Variants in WWOX observed in about 807,000 individuals in gnomAD.
WWOX encodes WW domain containing oxidoreductase.
In WWOX, 69 loss-of-function variants were observed where a neutral mutation model predicts 46.2. The ratio of observed to expected loss-of-function variants is 1.49; its 90% CI spans 1.23 to 1.82. WWOX has a LOEUF of 1.82. Among genes scored for constraint, WWOX ranks in the 40% most tolerant of loss-of-function variants. The probability of loss-of-function intolerance (pLI) is 0.00; values close to 1 mark genes in which losing one functional copy is unlikely to be tolerated. For synonymous variants in WWOX, 359 were observed against 202.6 expected (o/e 1.77, Z -6.56); for missense variants, 919 against 542.6 (o/e 1.69, Z -6.89).
At chr16:78,819,451 C>G (rs1413771962) in intron 8 of WWOX, among the ~76,000 whole-genome samples, 2 of 152,220 alleles carry the variant, frequency 1.3e-5, no homozygotes, top group Non-Finnish European at 2.9e-5. Context: ...AATGACCCAA[C>G]AACCTGGAAG....
chr16:78,109,715 C>A, intron 2 of WWOX, 63 bp from the exon 3 acceptor site: 1 of 1,589,560 alleles, frequency 6.3e-7, no homozygotes, highest in South Asian at 1.1e-5. Flanking sequence ...CCTTCCCTTC[C>A]TGACCCAGGG....
chr16:79,048,120 G>C (rs1034061363), intron 8 of WWOX, among the ~76,000 whole-genome samples: 1 of 152,078 alleles, frequency 6.6e-6, no homozygotes, highest in African/African-American at 2.4e-5. Context: ...TCACAGACAC[G>C]GAAAATCATT....
intron 8 of WWOX, chr16:78,534,308 G>C (rs142618389): frequency 6.6e-6 from 1 of 152,260 alleles, no homozygotes; most frequent in South Asian, 2.1e-4. Flanking sequence ...CCAGTGCTTG[G>C]CATATAGCTG....
intron 8 of WWOX, among the ~76,000 whole-genome samples, chr16:78,764,134 C>T (rs963716988): frequency 2.6e-5 from 4 of 152,134 alleles, no homozygotes; most frequent in Admixed American, 2.6e-4. Flanking sequence ...ACCACTTTTG[C>T]CGAAAAGTCA....
intron 5 of WWOX, among the ~76,000 whole-genome samples, chr16:78,359,997 C>T (rs2081375923): frequency 6.6e-6 from 1 of 152,140 alleles, no homozygotes; most frequent in South Asian, 2.1e-4. Flanking sequence ...ATGAGCTTAG[C>T]AGTTCTCAGA....
chr16:78,415,157 G>A (rs181828906), intron 6 of WWOX, among the ~76,000 whole-genome samples: 191 of 150,876 alleles, frequency 1.3e-3, no homozygotes, highest in African/African-American at 4.4e-3. Context: ...TTACTCATGA[G>A]TTTTCACGGA....
intron 4 of WWOX, among the ~76,000 whole-genome samples, chr16:78,155,256 A>G (rs2034559328): frequency 6.6e-6 from 1 of 151,874 alleles, no homozygotes; most frequent in East Asian, 1.9e-4. Flanking sequence ...AAGGAAGGAA[A>G]GAAAAGGAAG....
At chr16:78,625,059 C>A (rs529185505) in intron 8 of WWOX, among the ~76,000 whole-genome samples, 2 of 152,180 alleles carry the variant, frequency 1.3e-5, no homozygotes, top group Non-Finnish European at 2.9e-5. Context: ...CCCTGGCACT[C>A]GTTTGATTTG....
At chr16:78,686,121 T>G (rs966096284) in intron 8 of WWOX, among the ~76,000 whole-genome samples, 1 of 152,206 alleles carries the variant, frequency 6.6e-6, no homozygotes, top group Admixed American at 6.5e-5. Flanking sequence ...GGACCAGATG[T>G]TCACTGGAAG....
chr16:78,845,670 A>C (rs1386467447), intron 8 of WWOX, among the ~76,000 whole-genome samples: 1 of 152,312 alleles, frequency 6.6e-6, no homozygotes, highest in Admixed American at 6.5e-5. Flanking sequence ...TTAAGTAAGT[A>C]ATGGACAAGG....
intron 8 of WWOX, among the ~76,000 whole-genome samples, chr16:78,915,252 A>G (rs775481476): frequency 8.5e-5 from 13 of 152,164 alleles, no homozygotes; most frequent in Non-Finnish European, 1.3e-4. Flanking sequence ...TTCCCTTTAC[A>G]TGACCATTCC....
intron 8 of WWOX, among the ~76,000 whole-genome samples, chr16:78,564,848 T>A (rs1430622748): frequency 1.3e-5 from 2 of 152,194 alleles, no homozygotes; most frequent in Non-Finnish European, 2.9e-5. Context: ...TTCTTTTCTT[T>A]CCTCTTTTTC....
intron 5 of WWOX, among the ~76,000 whole-genome samples, chr16:78,259,686 T>G (rs1055582594): frequency 6.6e-6 from 1 of 151,494 alleles, no homozygotes; most frequent in Non-Finnish European, 1.5e-5. Flanking sequence ...AGTATAGAAG[T>G]GGGCATTCTA....
chr16:78,843,568 C>T (rs1301209908), intron 8 of WWOX, among the ~76,000 whole-genome samples: 11 of 149,884 alleles, frequency 7.3e-5, no homozygotes, highest in African/African-American at 2.7e-4. Context: ...ACTTCCTTGG[C>T]CAGAGCAGGG....
intron 8 of WWOX, among the ~76,000 whole-genome samples, chr16:79,052,777 G>A (rs2048193131): frequency 6.6e-6 from 1 of 152,210 alleles, no homozygotes; most frequent in African/African-American, 2.4e-5. Context: ...AAATGGCCTT[G>A]CTGAGGAAAT....
rs562241234 is a variant in WWOX, at chr16:78,277,438, G to T, written c.517-109422G>T. Among the ~76,000 whole-genome samples the T allele has an allele frequency of 3.3e-5, 5 of 152,176 alleles. No individual in the cohort carries two copies. In the East Asian group the frequency reaches 9.7e-4, roughly 29 times the overall value. ...ATTCATCCTTCTGACCTGTGCTCCGGATTCCAGGGAGTTCTCAATTTGGAG... is the reference window on the plus strand; with the variant it reads ...ATTCATCCTTCTGACCTGTGCTCCGTATTCCAGGGAGTTCTCAATTTGGAG... On this transcript the variant is annotated intron_variant, in intron 5 of 8. Transcript: ENST00000566780.
chr16:79,165,716 G>A (rs1029207890), intron 8 of WWOX, among the ~76,000 whole-genome samples: 3 of 152,122 alleles, frequency 2.0e-5, no homozygotes. Context: ...ACTCTGTCCT[G>A]TTTACTCTGT....
intron 5 of WWOX, among the ~76,000 whole-genome samples, chr16:78,293,978 G>GAAAAAAAAAAAAAAAAAAA (rs35079271): frequency 6.6e-5 from 2 of 30,312 alleles, no homozygotes; most frequent in Non-Finnish European, 1.3e-4. Flanking sequence ...CTCTGTCTCA[G>GAAAAAAAAAAAAAAAAAAA]AAAAAAAAAA....
intron 5 of WWOX, among the ~76,000 whole-genome samples, chr16:78,226,702 C>A (rs912351873): frequency 6.6e-6 from 1 of 152,056 alleles, no homozygotes; most frequent in Non-Finnish European, 1.5e-5. Context: ...TTTATTGTCA[C>A]ACTGGATAGG....
Sources: allele counts gnomAD v4.1 joint callset (sites outside exome capture counted in the v4.1 genomes callset), GRCh38; gene constraint gnomAD v4.1.1; transcripts MANE v1.5; gene names NCBI Gene and HGNC (gene_info 2026-07-23, HGNC 2026-07-21).